SUPV3L1: variants seen among roughly 807,000 people sequenced by gnomAD.
The protein encoded by SUPV3L1 is ATP-dependent RNA helicase SUPV3L1, mitochondrial.
Under a neutral mutation model 70.0 loss-of-function variants are expected in SUPV3L1, and 35 were observed. The observed-to-expected ratio is 0.50, with a 90% CI of 0.38 to 0.66. SUPV3L1 has a LOEUF of 0.66. Among genes scored for constraint, SUPV3L1 ranks in the 30% least tolerant of loss-of-function variants. SUPV3L1 has a pLI of 0.00. For synonymous variants in SUPV3L1, 364 were observed against 341.9 expected, an observed-to-expected ratio of 1.06 and a Z score of -0.71; for missense variants, 777 against 961.5, an observed-to-expected ratio of 0.81 and a Z score of 2.54.
chr10:69,199,247 GT>G (rs34810915), intron 10 of SUPV3L1, 50 bp downstream of exon 10: 22 of 1,412,226 alleles, frequency 1.6e-5, no homozygotes, highest in East Asian at 1.2e-4. Flanking sequence ...TTAAATGGTG[GT>G]TTTTTTGTTT....
intron 5 of SUPV3L1, among the ~76,000 whole-genome samples, chr10:69,189,898 G>A (rs1370869050): frequency 2.0e-5 from 3 of 151,954 alleles, no homozygotes; most frequent in Non-Finnish European, 4.4e-5. Context: ...TGCCCGTCTC[G>A]GCCTCCCAAA....
chr10:69,198,891 T>C (rs1842611773), intron 9 of SUPV3L1, among the ~76,000 whole-genome samples: 1 of 152,072 alleles, frequency 6.6e-6, no homozygotes, highest in Non-Finnish European at 1.5e-5. Flanking sequence ...GCTAGTGTGG[T>C]GGGGGATTGT....
intron 8 of SUPV3L1, among the ~76,000 whole-genome samples, chr10:69,198,128 G>A (rs1325622775): frequency 1.3e-5 from 2 of 152,136 alleles, no homozygotes; most frequent in Non-Finnish European, 2.9e-5. Context: ...TGAAATATAT[G>A]AGAAAAAGCT....
chr10:69,186,613 A>T (rs1158387064), intron 3 of SUPV3L1, 63 bp downstream of exon 3: 1 of 1,384,468 alleles, frequency 7.2e-7, no homozygotes, highest in Non-Finnish European at 1.0e-6. Context: ...CTCATACTTC[A>T]TGCTCATTTC....
At chr10:69,208,401 A>G (rs1842891535) in intron 14 of SUPV3L1, among the ~76,000 whole-genome samples, 199 bp from the exon 15 acceptor site, 1 of 152,264 alleles carries the variant, frequency 6.6e-6, no homozygotes, top group Non-Finnish European at 1.5e-5. Context: ...CTATTGAGGT[A>G]TAGTGCTGAC....
rs1388645569 is a variant in SUPV3L1, at chr10:69,180,443, C to G, written c.152C>G (p.Ser51Cys). The part of the protein sequence containing the change: ...QVSVLATASS[S>C]ASGGSKIPNT... The stretch of plus-strand genomic sequence containing the variant: ...TCTGTCCTTGCCACCGCCTCCTCCT[C>G]TGCCTCCGGTGGCTCCAAAATACCA... Residue 51 changes from serine to cysteine, a missense_variant, in exon 1 of 15, where the codon TCT (serine) becomes TGT (cysteine). Ser to Cys is a moderately radical substitution (Grantham distance 112). This residue lies in a region of SUPV3L1 where 158 missense variants were observed against 138.3 expected (regional missense o/e 1.14). Transcript: ENST00000359655. The G allele has an allele frequency of 6.2e-7, 1 of 1,614,262 alleles. No homozygotes were observed. The highest frequency in any genetic ancestry group is 8.5e-7 in the Non-Finnish European group (1 of 1,180,048).
chr10:69,200,411 G>C lies in SUPV3L1; in HGVS notation c.1430G>C (p.Arg477Pro), dbSNP rs770417431. 2 of 1,614,130 alleles carry C rather than the reference G, an allele frequency of 1.2e-6. No homozygotes were observed. The highest frequency in any genetic ancestry group is 4.5e-5 in the East Asian group (2 of 44,890). The change falls in exon 11 of 15, where the codon CGG (arginine) becomes CCG (proline). Residue 477 changes from arginine (R) to proline (P), a missense_variant. Physicochemically the swap from Arg to Pro is moderately radical, Grantham distance 103 (BLOSUM62 -2). Coordinates refer to ENST00000359655, the MANE Select transcript of SUPV3L1 (RefSeq NM_003171.5). The part of the protein sequence containing the change: ...IAGRAGRFSS[R>P]FKEGEVTTMN... The stretch of plus-strand genomic sequence containing the variant: ...GGCAGAGCTGGCAGATTCAGCTCAC[G>C]GTTTAAAGAAGGAGAGGTTACAACA...
chr10:69,206,466 G>A (rs528063363), intron 13 of SUPV3L1, among the ~76,000 whole-genome samples: 2 of 152,310 alleles, frequency 1.3e-5, no homozygotes, highest in South Asian at 2.1e-4. Flanking sequence ...CTGTGTGGTT[G>A]TATGTCTATC....
intron 1 of SUPV3L1, among the ~76,000 whole-genome samples, chr10:69,181,823 C>T (rs919873113): frequency 6.6e-6 from 1 of 152,104 alleles, no homozygotes; most frequent in Non-Finnish European, 1.5e-5. Context: ...TTAAAGGTTC[C>T]ACCTCTCAAC....
chr10:69,187,864 G>T, intron 4 of SUPV3L1, 108 bp downstream of exon 4: 1 of 695,820 alleles, frequency 1.4e-6, no homozygotes, highest in Non-Finnish European at 2.3e-6. Context: ...TAAGGAGTCT[G>T]GATTAGGTTG....
chr10:69,188,405 T>C (rs1842295040), intron 4 of SUPV3L1, among the ~76,000 whole-genome samples: 1 of 152,134 alleles, frequency 6.6e-6, no homozygotes, highest in African/African-American at 2.4e-5. Context: ...TCATCCCAAG[T>C]GTTCTTTTCT....
At chr10:69,187,137 G>A (rs1842251978) in intron 3 of SUPV3L1, among the ~76,000 whole-genome samples, 1 of 152,082 alleles carries the variant, frequency 6.6e-6, no homozygotes, top group Non-Finnish European at 1.5e-5. Flanking sequence ...TCTCTGTAAT[G>A]TACATGTCTA....
chr10:69,193,326 A>G (rs1589382638), intron 6 of SUPV3L1: 2 of 152,196 alleles, frequency 1.3e-5, no homozygotes, highest in African/African-American at 4.8e-5. Context: ...TGAGAAGAAT[A>G]GTTTTTAAAA....
chr10:69,208,896 G>A lies in SUPV3L1; in HGVS notation c.2222G>A (p.Gly741Glu). The change falls in exon 15 of 15, where the codon GGA becomes GAA. Residue 741 changes from glycine (G) to glutamate (E), a missense_variant. By Grantham distance (98) the Gly-to-Glu change is moderately conservative. Transcript: ENST00000359655. The stretch of plus-strand genomic sequence containing the variant: ...CTTGCTTCCAGATTGGTGCAGCAAG[G>A]ACTCCTCACTCCAGACATGCTGAAA... The part of the protein sequence containing the change: ...LSLASRLVQQ[G>E]LLTPDMLKQL... 6.2e-7 allele frequency: 1 copy of A among 1,614,038 alleles called. No homozygotes were observed. Among genetic ancestry groups the A allele is most frequent in the Non-Finnish European group, 8.5e-7 (1 of 1,180,014 alleles).
chr10:69,190,245 T>G (rs538214668), intron 5 of SUPV3L1, among the ~76,000 whole-genome samples: 1 of 152,328 alleles, frequency 6.6e-6, no homozygotes, highest in East Asian at 1.9e-4. Context: ...TTTTATAGAT[T>G]AGACCTCTGA....
chr10:69,181,280 A>C (rs1194563055), intron 1 of SUPV3L1, among the ~76,000 whole-genome samples: 1 of 152,186 alleles, frequency 6.6e-6, no homozygotes, highest in African/African-American at 2.4e-5. Context: ...TTAGGGAGGT[A>C]AGGGAGTTTC....
At chr10:69,193,944 A>T (rs1008077005) in intron 6 of SUPV3L1, among the ~76,000 whole-genome samples, 1 of 152,176 alleles carries the variant, frequency 6.6e-6, no homozygotes, top group African/African-American at 2.4e-5. Flanking sequence ...TAAAACCCCT[A>T]AGGATGAGCA....
intron 14 of SUPV3L1, 103 bp from the exon 15 acceptor site, chr10:69,208,497 A>G: frequency 7.8e-7 from 1 of 1,274,782 alleles, no homozygotes; most frequent in African/African-American, 1.5e-5. Context: ...TGCAAAAAGA[A>G]CATTTAGAAT....
chr10:69,200,575 C>T (rs1013089957), intron 11 of SUPV3L1, 76 bp downstream of exon 11: 4 of 1,227,804 alleles, frequency 3.3e-6, no homozygotes, highest in Non-Finnish European at 4.6e-6. Context: ...TCCAGACTCT[C>T]ACCTCAGACA....
Sources: gnomAD v4.1 joint callset for allele counts (sites outside exome capture counted in the v4.1 genomes callset) on GRCh38, gnomAD v4.1.1 for gene constraint, gnomAD v4.1.1 regional missense constraint, MANE v1.5 for transcripts, NCBI Gene and HGNC (gene_info 2026-07-23, HGNC 2026-07-21) for gene names.